RASAL2: variants seen among roughly 807,000 people sequenced by gnomAD.
RASAL2 encodes the protein ras GTPase-activating protein nGAP.
A neutral mutation model predicts 128.9 loss-of-function variants in RASAL2; 58 were observed. That is an observed-to-expected ratio of 0.45 (90% CI 0.36 to 0.56). RASAL2 has a LOEUF of 0.56. Ranked by LOEUF, RASAL2 falls within the 20% of genes least tolerant of loss-of-function variation. The pLI is 0.00. For missense variants in RASAL2, 1,360 were observed against 1,601.6 expected (o/e 0.85, Z 2.57); for synonymous variants, 561 against 580.8 (o/e 0.97, Z 0.49).
At chr1:178,442,612 G>GA in intron 7 of RASAL2, 63 bp from the exon 8 acceptor site, 2 of 1,445,878 alleles carry the variant, frequency 1.4e-6, no homozygotes, top group South Asian at 1.4e-5. Flanking sequence ...GCCAACTTAA[G>GA]AAAAAAATGT....
chr1:178,293,542 A>G (rs972593866), intron 2 of RASAL2, among the ~76,000 whole-genome samples: 35 of 152,274 alleles, frequency 2.3e-4, no homozygotes, highest in African/African-American at 8.2e-4. Flanking sequence ...TTCATAATAT[A>G]TTGTTCCATC....
At chr1:178,452,333 G>C in intron 10 of RASAL2, 83 bp from the exon 11 acceptor site, 1 of 1,203,488 alleles carries the variant, frequency 8.3e-7, no homozygotes, top group Non-Finnish European at 1.2e-6. Context: ...TTAAGCAAAA[G>C]TATATTGGGT....
chr1:178,451,794 AG>A, intron 10 of RASAL2, 79 bp downstream of exon 10: 1 of 1,477,530 alleles, frequency 6.8e-7, no homozygotes, highest in Non-Finnish European at 9.1e-7. Context: ...TTCATGTAAA[AG>A]TCATCACAAT....
chr1:178,189,649 A>G (rs2101944677), intron 1 of RASAL2, among the ~76,000 whole-genome samples: 1 of 152,354 alleles, frequency 6.6e-6, no homozygotes, highest in Admixed American at 6.5e-5. Context: ...AAATGAGCCA[A>G]TAAGATAATC....
chr1:178,095,197 A>G (rs1658628537), intron 1 of RASAL2, among the ~76,000 whole-genome samples: 1 of 152,180 alleles, frequency 6.6e-6, no homozygotes, highest in South Asian at 2.1e-4. Flanking sequence ...CTCTCTCTAA[A>G]AGCAACCACT....
chr1:178,292,709 A>C (rs1667335943), intron 2 of RASAL2, among the ~76,000 whole-genome samples: 1 of 152,182 alleles, frequency 6.6e-6, no homozygotes. Context: ...ATTTGAGATT[A>C]AGGAGTTGAG....
At position 178,474,983 on chromosome 1, in the gene RASAL2, A is replaced by G. The variant is rs1347641779; in HGVS notation, c.*1744A>G. On this transcript the variant is annotated 3_prime_UTR_variant, in exon 18 of 18. Transcript: ENST00000367649. ...GTTTCTCCATAACAGAATATTTATA[A>G]GAGAACATGTATAGTGCCCTCTTTT... The G allele has an allele frequency of 1.3e-5, 2 of 152,168 alleles. No individual in the cohort carries two copies. Among genetic ancestry groups the G allele is most frequent in the East Asian group, 3.8e-4 (2 of 5,196 alleles). 9.4% of individuals were successfully genotyped at this position (152,168 alleles called of 1,614,324 possible).
intron 1 of RASAL2, among the ~76,000 whole-genome samples, chr1:178,267,350 C>T (rs963033470): frequency 6.6e-6 from 1 of 152,128 alleles, no homozygotes; most frequent in South Asian, 2.1e-4. Flanking sequence ...TTAGCTATCA[C>T]ATAAAACCAT....
intron 5 of RASAL2, among the ~76,000 whole-genome samples, chr1:178,425,433 ATTAC>A (rs1221870371): frequency 1.3e-5 from 2 of 152,160 alleles, no homozygotes; most frequent in Non-Finnish European, 2.9e-5. Context: ...TGAGAGATAG[ATTAC>A]TTAATCTATA....
chr1:178,312,693 A>G (rs192545713), intron 3 of RASAL2, among the ~76,000 whole-genome samples: 3 of 152,342 alleles, frequency 2.0e-5, no homozygotes, highest in Admixed American at 2.0e-4. Context: ...AGCAGCTGAT[A>G]AGGCTGTAGC....
rs1253224257 is a variant in RASAL2, at chr1:178,473,201, A to G, written c.3805A>G (p.Ile1269Val). ...ISPTNPTKLS[I>V]TENGEFKNSS... ...CCCCACCAACCCCACCAAGCTTTCCATCACGGAGAATGGTGAATTCAAAAA... is the reference window on the plus strand; with the variant it reads ...CCCCACCAACCCCACCAAGCTTTCCGTCACGGAGAATGGTGAATTCAAAAA... The change falls in exon 18 of 18, where the codon ATC (isoleucine) becomes GTC (valine). Residue 1269 changes from isoleucine to valine, a missense_variant. By Grantham distance (29) the Ile-to-Val change is conservative. This residue lies in a region of RASAL2 where 741 missense variants were observed against 868.6 expected (regional missense o/e 0.85). Coordinates refer to ENST00000367649, the MANE Select transcript of RASAL2 (RefSeq NM_170692.4). 6.8e-6 allele frequency: 11 copies of G among 1,614,054 alleles called. No homozygotes were observed. In the Admixed American group the frequency reaches 1.0e-4, roughly 15 times the overall value.
At chr1:178,397,509 G>A (rs995928662) in intron 4 of RASAL2, among the ~76,000 whole-genome samples, 4 of 152,136 alleles carry the variant, frequency 2.6e-5, no homozygotes, top group African/African-American at 9.7e-5. Flanking sequence ...TGGGCATGGG[G>A]TTTCTTTTTA....
chr1:178,424,107 G>A (rs1251359564), intron 5 of RASAL2, among the ~76,000 whole-genome samples: 7 of 151,972 alleles, frequency 4.6e-5, no homozygotes, highest in Admixed American at 3.9e-4. Context: ...ATGATACTCT[G>A]CAAATTACTT....
At chr1:178,312,986 C>T (rs1668331544) in intron 3 of RASAL2, among the ~76,000 whole-genome samples, 1 of 152,034 alleles carries the variant, frequency 6.6e-6, no homozygotes, top group Admixed American at 6.6e-5. Flanking sequence ...GAAACTGAGG[C>T]ATAGAGAGGT....
chr1:178,233,158 A>G (rs1193669424), intron 1 of RASAL2, among the ~76,000 whole-genome samples: 1 of 152,232 alleles, frequency 6.6e-6, no homozygotes, highest in East Asian at 1.9e-4. Flanking sequence ...CTGTGGTTCA[A>G]AGCCACACAA....
At chr1:178,145,826 A>G (rs1159952796) in intron 1 of RASAL2, among the ~76,000 whole-genome samples, 1 of 152,140 alleles carries the variant, frequency 6.6e-6, no homozygotes, top group Non-Finnish European at 1.5e-5. Context: ...CAATGACTCC[A>G]CCCTTCAGTT....
chr1:178,136,111 A>G lies in RASAL2; in HGVS notation c.202+41417A>G, dbSNP rs1035960641. ...AGTTAGCTAGGATTGCTAATATAAA[A>G]GAAATAAAGATAGTGAATATGAAAT... is the stretch of plus-strand genomic sequence containing the variant. On this transcript the variant is annotated intron_variant, in intron 1 of 17. Coordinates refer to ENST00000367649, the MANE Select transcript of RASAL2 (RefSeq NM_170692.4). Among the ~76,000 whole-genome samples, 11 of 152,250 alleles carry G rather than the reference A, an allele frequency of 7.2e-5. 1 individual carries two copies. Among genetic ancestry groups the G allele is most frequent in the Admixed American group, 6.5e-4 (10 of 15,286 alleles).
At chr1:178,238,355 T>A (rs1664346873) in intron 1 of RASAL2, among the ~76,000 whole-genome samples, 1 of 152,176 alleles carries the variant, frequency 6.6e-6, no homozygotes, top group East Asian at 1.9e-4. Context: ...TGTGCTATTA[T>A]TAATTATGCT....
intron 13 of RASAL2, 149 bp downstream of exon 13, chr1:178,457,048 C>T (rs1467909787): frequency 7.1e-6 from 5 of 701,822 alleles, no homozygotes; most frequent in African/African-American, 5.4e-5. Context: ...AATTATTTGT[C>T]ATAATAATGC....
Sources: allele counts gnomAD v4.1 joint callset (sites outside exome capture counted in the v4.1 genomes callset), GRCh38; gene constraint gnomAD v4.1.1; regional missense constraint gnomAD v4.1.1; transcripts MANE v1.5; gene names NCBI Gene and HGNC (gene_info 2026-07-23, HGNC 2026-07-21).